The following FAF1 variants were observed in gnomAD, a reference collection of about 807,000 sequenced individuals.
The protein encoded by FAF1 is FAS-associated factor 1.
Under a neutral mutation model 92.5 loss-of-function variants are expected in FAF1, and 25 were observed. The ratio of observed to expected loss-of-function variants is 0.27; its 90% CI spans 0.20 to 0.38. FAF1 has a LOEUF of 0.38. FAF1 is among the 10% of genes least tolerant of loss of function. The pLI is 1.00. For synonymous variants in FAF1, 234 were observed against 273.2 expected (o/e 0.86, Z 1.42); for missense variants, 636 against 793.3 (o/e 0.80, Z 2.38).
chr1:50,870,354 G>A (rs1478804423), intron 1 of FAF1, among the ~76,000 whole-genome samples: 1 of 152,230 alleles, frequency 6.6e-6, no homozygotes, highest in Non-Finnish European at 1.5e-5. Flanking sequence ...CTACTCGGAA[G>A]GCTGAGGCAA....
In FAF1 at chr1:50,510,165, CAA is replaced by C. The variant is rs34071985; in HGVS notation, c.1495-18366_1495-18365del. Among the ~76,000 whole-genome samples the C allele has an allele frequency of 4.7e-3, 288 of 60,896 alleles. 1 individual carries two copies. The highest frequency in any genetic ancestry group is 0.016 in the African/African-American group (253 of 15,780). 40.0% of individuals were successfully genotyped at this position (60,896 alleles called of 152,430 possible). A position where few individuals can be genotyped will look rare whatever the true frequency, so the allele number is the denominator to read the frequency against. ...TGGGTGACAGAACGAGACTCTGTCT[CAA>C]AAAAAAAAAAAAAAAAATTTAAATT... On this transcript the variant is annotated intron_variant, in intron 15 of 18. Transcript: ENST00000396153.
chr1:50,747,794 A>G (rs928811805), intron 4 of FAF1, among the ~76,000 whole-genome samples: 2 of 152,076 alleles, frequency 1.3e-5, no homozygotes, highest in Non-Finnish European at 2.9e-5. Flanking sequence ...ATCATGTGTG[A>G]CAGATTTCCC....
At chr1:50,642,743 A>AGTAG (rs397734559) in intron 8 of FAF1, among the ~76,000 whole-genome samples, 1 of 151,536 alleles carries the variant, frequency 6.6e-6, no homozygotes, top group South Asian at 2.1e-4. Context: ...TTTTAATGTA[A>AGTAG]TTCATACTTA....
chr1:50,885,324 A>ACACT (rs1644651416), intron 1 of FAF1, among the ~76,000 whole-genome samples: 7 of 102,278 alleles, frequency 6.8e-5, no homozygotes, highest in African/African-American at 2.5e-4. Context: ...ACACACACAC[A>ACACT]CTCTCTCTCT....
intron 1 of FAF1, among the ~76,000 whole-genome samples, chr1:50,863,465 C>A (rs563940426): frequency 6.6e-6 from 1 of 151,844 alleles, no homozygotes; most frequent in South Asian, 2.1e-4. Context: ...ACTAGAGAAA[C>A]AAGAAGAAAA....
intron 4 of FAF1, among the ~76,000 whole-genome samples, chr1:50,749,020 T>G (rs879494249): frequency 7.2e-5 from 11 of 152,232 alleles, no homozygotes; most frequent in Admixed American, 6.5e-4. Flanking sequence ...ATCATAAAAA[T>G]AATTCTGGTT....
chr1:50,722,135 TA>T (rs1184019215), intron 6 of FAF1, among the ~76,000 whole-genome samples: 1 of 152,230 alleles, frequency 6.6e-6, no homozygotes, highest in African/African-American at 2.4e-5. Context: ...ATTGCTCATC[TA>T]TTCCTGAAAG....
At chr1:50,676,972 C>T (rs374949229) in intron 7 of FAF1, among the ~76,000 whole-genome samples, 33 of 152,218 alleles carry the variant, frequency 2.2e-4, no homozygotes, top group African/African-American at 7.2e-4. Context: ...CAATAAAATA[C>T]ACACAGCAAC....
At chr1:50,607,348 TCTC>T (rs992550039) in intron 8 of FAF1, among the ~76,000 whole-genome samples, 4 of 152,160 alleles carry the variant, frequency 2.6e-5, no homozygotes. Flanking sequence ...TCGACTTTCT[TCTC>T]TAAGTTTTAT....
chr1:50,925,426 A>G (rs1644996989), intron 1 of FAF1, among the ~76,000 whole-genome samples: 1 of 152,170 alleles, frequency 6.6e-6, no homozygotes, highest in Admixed American at 6.5e-5. Flanking sequence ...ACAAAGAACT[A>G]ACAACCAGAA....
At position 50,611,399 on chromosome 1, in the gene FAF1, CCTCT is replaced by C. The variant is rs542168078; in HGVS notation, c.745-15187_745-15184del. ...TGTGCTTCAAGCTAGTTATTATAAG[CCTCT>C]CTGTTTCAAGTGCAAAATAATCTCA... is the stretch of plus-strand genomic sequence containing the variant. On this transcript the variant is annotated intron_variant, in intron 8 of 18. Transcript: ENST00000396153. Among the ~76,000 whole-genome samples the C allele has an allele frequency of 4.0e-3, 605 of 152,246 alleles. 2 individuals carry two copies. The highest frequency in any genetic ancestry group is 5.7e-3 in the Non-Finnish European group (391 of 68,020).
intron 12 of FAF1, among the ~76,000 whole-genome samples, chr1:50,577,067 T>A (rs546907083): frequency 6.6e-6 from 1 of 152,326 alleles, no homozygotes; most frequent in South Asian, 2.1e-4. Context: ...GCAATGCAAC[T>A]CCGTCCTGCA....
At chr1:50,810,914 T>C (rs1285971567) in intron 2 of FAF1, among the ~76,000 whole-genome samples, 3 of 152,078 alleles carry the variant, frequency 2.0e-5, no homozygotes, top group African/African-American at 7.2e-5. Flanking sequence ...CCTGGCATGG[T>C]GGCACCTGTG....
intron 6 of FAF1, among the ~76,000 whole-genome samples, chr1:50,711,144 G>A (rs967555351): frequency 2.6e-5 from 4 of 151,922 alleles, no homozygotes; most frequent in Admixed American, 6.6e-5. Flanking sequence ...TCCTGACCTC[G>A]TGATCTGCCT....
intron 13 of FAF1, among the ~76,000 whole-genome samples, chr1:50,555,276 GAC>G (rs753747887): frequency 3.0e-4 from 43 of 141,722 alleles, no homozygotes; most frequent in Admixed American, 8.9e-4. Flanking sequence ...CCAGGACTCT[GAC>G]ACACACACAC....
intron 12 of FAF1, among the ~76,000 whole-genome samples, chr1:50,574,181 A>C (rs1046613998): frequency 1.3e-5 from 2 of 152,238 alleles, no homozygotes; most frequent in Non-Finnish European, 1.5e-5. Context: ...ACAGATGTTC[A>C]TTGGGTATAG....
At chr1:50,616,545 T>G (rs1451109683) in intron 8 of FAF1, among the ~76,000 whole-genome samples, 2 of 152,146 alleles carry the variant, frequency 1.3e-5, no homozygotes, top group Admixed American at 6.5e-5. Context: ...TTTAGAGATC[T>G]TCCACCTCCT....
chr1:50,853,841 A>G (rs768653364), intron 2 of FAF1, among the ~76,000 whole-genome samples: 3 of 152,074 alleles, frequency 2.0e-5, no homozygotes, highest in Non-Finnish European at 4.4e-5. Flanking sequence ...ATGTATACAA[A>G]TGTTTCAAAC....
At chr1:50,690,110 C>T (rs1373129420) in intron 7 of FAF1, among the ~76,000 whole-genome samples, 1 of 151,044 alleles carries the variant, frequency 6.6e-6, no homozygotes, top group East Asian at 2.0e-4. Flanking sequence ...ATTCTCCTGC[C>T]TCAGCCTCCC....
Sources: gnomAD v4.1 joint callset for allele counts (sites outside exome capture counted in the v4.1 genomes callset) on GRCh38, gnomAD v4.1.1 for gene constraint, MANE v1.5 for transcripts, NCBI Gene and HGNC (gene_info 2026-07-23, HGNC 2026-07-21) for gene names.